ADRA1A: variants seen among roughly 807,000 people sequenced by gnomAD.
ADRA1A encodes the protein adrenoceptor alpha 1A, also known as alpha-1A adrenergic receptor.
A neutral mutation model predicts 29.6 loss-of-function variants in ADRA1A; 31 were observed. The ratio of observed to expected loss-of-function variants is 1.05; its 90% CI spans 0.79 to 1.41. ADRA1A has a LOEUF of 1.41. ADRA1A is among the 40% of genes most tolerant of loss of function. The pLI, the probability that ADRA1A is intolerant of heterozygous loss-of-function variation, is 0.00. For synonymous variants in ADRA1A, 311 were observed against 254.3 expected (o/e 1.22, Z -2.12); for missense variants, 619 against 601.1 (o/e 1.03, Z -0.31).
intron 2 of ADRA1A, among the ~76,000 whole-genome samples, chr8:26,811,682 A>G (rs1288649628): frequency 6.6e-6 from 1 of 152,246 alleles, no homozygotes; most frequent in Non-Finnish European, 1.5e-5. Context: ...AGATTTGTAA[A>G]GTTCCAAATC....
At chr8:26,814,499 G>T (rs1358263442) in intron 2 of ADRA1A, among the ~76,000 whole-genome samples, 1 of 152,162 alleles carries the variant, frequency 6.6e-6, no homozygotes, top group Non-Finnish European at 1.5e-5. Context: ...TGGCCTCAAG[G>T]AATCCTATCA....
At chr8:26,814,695 C>T (rs972781166) in intron 2 of ADRA1A, among the ~76,000 whole-genome samples, 4 of 152,174 alleles carry the variant, frequency 2.6e-5, no homozygotes, top group East Asian at 3.8e-4. Context: ...CATCCATCTA[C>T]CCTTCCATCT....
At position 26,865,494 on chromosome 8, in the gene ADRA1A, ACAGGTTG is replaced by A. The variant is rs1242205656; in HGVS notation, c.-532_-526del. On this transcript the variant is annotated 5_prime_UTR_variant, in exon 2 of 3. Transcript: ENST00000380573. This position sits in a 1 kb window ranked among gnomAD's most constrained non-coding sequence, Gnocchi z 7.6. ...ACCGATGGTTGGGTAGCGCAGCGCT[ACAGGTTG>A]GGCGCTGCTCCTGGCCCGCAGTTAC... is the stretch of plus-strand genomic sequence containing the variant. 48 of 7,888 alleles carry A rather than the reference ACAGGTTG, an allele frequency of 6.1e-3. No homozygotes were observed. Among genetic ancestry groups the A allele is most frequent in the South Asian group, 0.053 (8 of 150 alleles). 0.5% of individuals were successfully genotyped at this position (7,888 alleles called of 1,614,324 possible). A position where few individuals can be genotyped will look rare whatever the true frequency, so the allele number is the denominator to read the frequency against.
intron 2 of ADRA1A, among the ~76,000 whole-genome samples, chr8:26,819,863 A>G (rs2130587396): frequency 6.6e-6 from 1 of 152,320 alleles, no homozygotes; most frequent in South Asian, 2.1e-4. Context: ...CCTAGAAAAG[A>G]CTAACTTTAG....
intron 2 of ADRA1A, among the ~76,000 whole-genome samples, chr8:26,832,931 G>A (rs1209203372): frequency 6.6e-6 from 1 of 152,200 alleles, no homozygotes; most frequent in Non-Finnish European, 1.5e-5. Context: ...TTTGCAGTGG[G>A]CAGCCACCAG....
chr8:26,859,324 G>GC, intron 2 of ADRA1A: 1 of 575,120 alleles, frequency 1.7e-6, no homozygotes, highest in Non-Finnish European at 2.7e-6. Context: ...AGCAGAAGTA[G>GC]TGCCATCTTC....
chr8:26,834,297 T>C (rs1277901540), intron 2 of ADRA1A, among the ~76,000 whole-genome samples: 1 of 152,222 alleles, frequency 6.6e-6, no homozygotes, highest in Non-Finnish European at 1.5e-5. Flanking sequence ...GTTTTATCCA[T>C]TCTGATTTAT....
At chr8:26,812,716 G>C (rs945935230) in intron 2 of ADRA1A, among the ~76,000 whole-genome samples, 19 of 151,510 alleles carry the variant, frequency 1.3e-4, no homozygotes, top group Non-Finnish European at 7.4e-5. Flanking sequence ...CCAGGCTGGA[G>C]TGCAGTGGCG....
At chr8:26,832,555 A>T (rs776715002) in intron 2 of ADRA1A, among the ~76,000 whole-genome samples, 41 of 152,264 alleles carry the variant, frequency 2.7e-4, no homozygotes, top group Admixed American at 7.2e-4. Context: ...GAAATTAAGG[A>T]AGCTGAAGAT....
rs1432527989 is a variant in ADRA1A at position 26,864,417 on chromosome 8, C to A, written c.553G>T (p.Val185Leu). ...AAGGAGCCCAGCGCTGAGAAGAGCACGTAGCCCGGCTCCTCGTTGATCTGG... is the reference window on the plus strand; with the variant it reads ...AAGGAGCCCAGCGCTGAGAAGAGCAAGTAGCCCGGCTCCTCGTTGATCTGG... ...ICQINEEPGY[V>L]LFSALGSFYL... The change falls in exon 2 of 3, where the codon GTG (valine) becomes TTG (leucine). Residue 185 changes from valine (V) to leucine (L), a missense_variant. Coordinates refer to ENST00000380573, the MANE Select transcript of ADRA1A (RefSeq NM_000680.4). This position sits in a 1 kb window ranked among gnomAD's most constrained non-coding sequence, Gnocchi z 8.1. 3 of 1,613,480 alleles carry A rather than the reference C, an allele frequency of 1.9e-6. No individual in the cohort carries two copies. The highest frequency in any genetic ancestry group is 2.5e-6 in the Non-Finnish European group (3 of 1,180,030).
At position 26,757,148 on chromosome 8, in the gene ADRA1A, A is replaced by G. The variant is rs1332921167; in HGVS notation, c.1270-369T>C. The stretch of plus-strand genomic sequence containing the variant: ...TGAAATAGCCATAGACTGTGTTTAT[A>G]TAAAGCAGAGTTGGGCCAAGAACCT... On this transcript the variant is annotated intron_variant, in intron 2 of 2. Coordinates refer to the ADRA1A transcript ENST00000380582. 11 of 702,162 alleles carry G rather than the reference A, an allele frequency of 1.6e-5. No homozygotes were observed. In the African/African-American group the frequency reaches 1.9e-4, roughly 12 times the overall value. 43.5% of individuals were successfully genotyped at this position (702,162 alleles called of 1,614,324 possible). A position where few individuals can be genotyped will look rare whatever the true frequency, so the allele number is the denominator to read the frequency against.
chr8:26,752,641 C>T (rs117439016), downstream of ADRA1A, among the ~76,000 whole-genome samples: 6,942 of 152,264 alleles, frequency 0.046, 214 homozygotes, highest in Non-Finnish European at 0.066. Flanking sequence ...TTTGCCCTAA[C>T]TGCCTAAATA....
chr8:26,779,228 A>C, intron 2 of ADRA1A: 1 of 687,586 alleles, frequency 1.5e-6, no homozygotes, highest in East Asian at 2.7e-5. Context: ...AGTTCCTGCC[A>C]GAAGAATATG....
intron 2 of ADRA1A, among the ~76,000 whole-genome samples, chr8:26,799,698 G>A (rs540472070): frequency 1.3e-5 from 2 of 152,248 alleles, no homozygotes; most frequent in African/African-American, 4.8e-5. Flanking sequence ...CCTTCAATGT[G>A]TCATGTATGA....
intron 2 of ADRA1A, among the ~76,000 whole-genome samples, chr8:26,797,910 A>G (rs1338378818): frequency 1.3e-5 from 2 of 152,166 alleles, no homozygotes; most frequent in South Asian, 2.1e-4. Context: ...GAAGGACACA[A>G]GGTGTCTTCA....
chr8:26,842,126 C>T (rs1437210212), intron 2 of ADRA1A, among the ~76,000 whole-genome samples: 1 of 152,170 alleles, frequency 6.6e-6, no homozygotes, highest in Admixed American at 6.5e-5. Context: ...TCCAACAGAA[C>T]ATTCTGAGAG....
chr8:26,818,896 G>C (rs950008746), intron 2 of ADRA1A, among the ~76,000 whole-genome samples: 4 of 152,144 alleles, frequency 2.6e-5, no homozygotes, highest in Admixed American at 2.6e-4. Flanking sequence ...GGAAAAGAGA[G>C]AGAGAGAGAA....
intron 2 of ADRA1A, among the ~76,000 whole-genome samples, chr8:26,772,772 C>G (rs968629596): frequency 7.2e-5 from 11 of 151,844 alleles, no homozygotes; most frequent in African/African-American, 2.7e-4. Flanking sequence ...ACTGAAGAAC[C>G]CAAAGAAGAC....
chr8:26,847,401 C>T (rs557874185), intron 2 of ADRA1A, among the ~76,000 whole-genome samples: 20 of 152,174 alleles, frequency 1.3e-4, no homozygotes, highest in African/African-American at 4.8e-4. Context: ...TTTTTCCTCT[C>T]CTAAAGTTTC....
Sources: allele counts gnomAD v4.1 joint callset (sites outside exome capture counted in the v4.1 genomes callset), GRCh38; gene constraint gnomAD v4.1.1; non-coding constraint Gnocchi (gnomAD v3.1); transcripts MANE v1.5; gene names NCBI Gene and HGNC (gene_info 2026-07-23, HGNC 2026-07-21).